The following RBFOX1 variants were observed in gnomAD, a reference collection of about 807,000 sequenced individuals.
RBFOX1 encodes the protein RNA binding protein fox-1 homolog 1.
RBFOX1 carries 8 observed loss-of-function variants against 57.7 expected under a neutral mutation model. The ratio of observed to expected loss-of-function variants is 0.14; its 90% CI spans 0.08 to 0.25. The LOEUF is 0.25. RBFOX1 is among the 10% of genes least tolerant of loss of function. The pLI is 1.00. For missense variants in RBFOX1, 611 were observed against 548.5 expected (o/e 1.11, Z -1.14); for synonymous variants, 326 against 222.4 (o/e 1.47, Z -4.15).
intron 5 of RBFOX1, among the ~76,000 whole-genome samples, chr16:7,536,760 C>G (rs2081573877): frequency 6.6e-6 from 1 of 152,174 alleles, no homozygotes; most frequent in African/African-American, 2.4e-5. Flanking sequence ...TCCAACAGGA[C>G]AGGGATGCCA....
At chr16:5,764,506 T>C (rs867204965) in intron 3 of RBFOX1, among the ~76,000 whole-genome samples, 3 of 152,242 alleles carry the variant, frequency 2.0e-5, no homozygotes, top group Non-Finnish European at 2.9e-5. Flanking sequence ...GGTGTTTCTT[T>C]ACAGCAATGC....
At chr16:6,878,529 T>A (rs1021077710) in intron 3 of RBFOX1, among the ~76,000 whole-genome samples, 2 of 152,334 alleles carry the variant, frequency 1.3e-5, no homozygotes, top group East Asian at 3.9e-4. Context: ...TTCCTGGACC[T>A]TTTAGATTTT....
intron 4 of RBFOX1, among the ~76,000 whole-genome samples, chr16:7,124,471 C>T (rs1174419502): frequency 6.6e-6 from 1 of 151,672 alleles, no homozygotes; most frequent in African/African-American, 2.4e-5. Flanking sequence ...CTGTACACTT[C>T]TGAACCAACC....
chr16:6,425,907 G>C (rs1356575031), intron 2 of RBFOX1, among the ~76,000 whole-genome samples: 4 of 152,000 alleles, frequency 2.6e-5, no homozygotes, highest in Non-Finnish European at 4.4e-5. Flanking sequence ...TAGTACATTA[G>C]CTTCCCAAAA....
chr16:7,146,708 C>T (rs1489191934), intron 4 of RBFOX1, among the ~76,000 whole-genome samples: 1 of 151,738 alleles, frequency 6.6e-6, no homozygotes, highest in Non-Finnish European at 1.5e-5. Flanking sequence ...TGGCAGTTTG[C>T]GAGGCTGAGG....
intron 4 of RBFOX1, among the ~76,000 whole-genome samples, chr16:5,882,401 A>G (rs2057785175): frequency 6.6e-6 from 1 of 152,212 alleles, no homozygotes; most frequent in South Asian, 2.1e-4. Context: ...TGGAAAAGTC[A>G]TACATTACTT....
At chr16:6,159,101 G>A (rs2096859045) in intron 1 of RBFOX1, among the ~76,000 whole-genome samples, 1 of 151,698 alleles carries the variant, frequency 6.6e-6, no homozygotes, top group South Asian at 2.1e-4. Context: ...TTTTGAGATG[G>A]AGTCTCATTC....
chr16:6,921,004 G>T (rs111798452), intron 3 of RBFOX1, among the ~76,000 whole-genome samples: 10 of 152,264 alleles, frequency 6.6e-5, no homozygotes, highest in African/African-American at 2.2e-4. Flanking sequence ...GCCCTTGTTT[G>T]ACTGGAACAC....
chr16:5,588,378 A>C (rs1001081457), intron 2 of RBFOX1, among the ~76,000 whole-genome samples: 2 of 152,208 alleles, frequency 1.3e-5, no homozygotes, highest in Non-Finnish European at 2.9e-5. Flanking sequence ...TGGAAAAAAA[A>C]ATGACTGAGA....
At chr16:6,977,819 G>C (rs1227289574) in intron 3 of RBFOX1, among the ~76,000 whole-genome samples, 1 of 151,582 alleles carries the variant, frequency 6.6e-6, no homozygotes, top group Non-Finnish European at 1.5e-5. Flanking sequence ...AGGCACCTTT[G>C]GCTTATTTGC....
chr16:7,345,983 C>G (rs1207550248), intron 4 of RBFOX1, among the ~76,000 whole-genome samples: 2 of 152,142 alleles, frequency 1.3e-5, no homozygotes, highest in East Asian at 1.9e-4. Context: ...CCAGCTCCTC[C>G]AACCCCACAA....
intron 4 of RBFOX1, among the ~76,000 whole-genome samples, chr16:5,876,319 A>C (rs1163207192): frequency 6.6e-6 from 1 of 152,042 alleles, no homozygotes; most frequent in East Asian, 1.9e-4. Context: ...TATGAAGTAC[A>C]TCCTATCATT....
chr16:6,078,080 C>G (rs1318555210), intron 1 of RBFOX1, among the ~76,000 whole-genome samples: 1 of 152,172 alleles, frequency 6.6e-6, no homozygotes, highest in African/African-American at 2.4e-5. Context: ...TCATCTTTGT[C>G]TAATCTTTAG....
chr16:5,307,662 A>G (rs569596311), intron 1 of RBFOX1, among the ~76,000 whole-genome samples: 1 of 152,100 alleles, frequency 6.6e-6, no homozygotes. Flanking sequence ...CTTAGATTTT[A>G]TTTATTTATG....
chr16:5,501,796 C>G lies in RBFOX1; in HGVS notation c.258+34542C>G, dbSNP rs948308346. ...TGGTGCGGTCACAGCTCCCTGCAGT[C>G]TCAAACTCCTGGGCTCAAGTGATTC... On this transcript the variant is annotated intron_variant, in intron 2 of 2. Transcript: ENST00000585867. Among the ~76,000 whole-genome samples, 5 of 152,272 alleles carry G rather than the reference C, an allele frequency of 3.3e-5. No individual in the cohort carries two copies. In the East Asian group the frequency reaches 9.6e-4, roughly 29 times the overall value.
At chr16:6,165,443 A>G (rs889559682) in intron 1 of RBFOX1, among the ~76,000 whole-genome samples, 5 of 152,240 alleles carry the variant, frequency 3.3e-5, no homozygotes, top group African/African-American at 1.2e-4. Context: ...AAAAGAAAGC[A>G]GCACCTAGGA....
intron 1 of RBFOX1, among the ~76,000 whole-genome samples, chr16:6,151,838 T>C (rs1219377418): frequency 6.6e-6 from 1 of 152,204 alleles, no homozygotes; most frequent in Non-Finnish European, 1.5e-5. Context: ...ACAAGGTACC[T>C]CTGCATTTAA....
chr16:6,808,004 T>G (rs562422728), intron 3 of RBFOX1, among the ~76,000 whole-genome samples: 2 of 150,670 alleles, frequency 1.3e-5, no homozygotes, highest in African/African-American at 2.4e-5. Flanking sequence ...TGCATAGAAC[T>G]ATATATAATA....
chr16:6,034,608 C>T (rs755236182), intron 1 of RBFOX1, among the ~76,000 whole-genome samples: 2 of 152,122 alleles, frequency 1.3e-5, no homozygotes, highest in Non-Finnish European at 1.5e-5. Context: ...ATGGTCTAAA[C>T]AGTCCTTAAT....
Sources: gnomAD v4.1 joint callset for allele counts (sites outside exome capture counted in the v4.1 genomes callset) on GRCh38, gnomAD v4.1.1 for gene constraint, MANE v1.5 for transcripts, NCBI Gene and HGNC (gene_info 2026-07-23, HGNC 2026-07-21) for gene names.